The following MIS18BP1 variants were observed in gnomAD, a reference collection of about 807,000 sequenced individuals.
MIS18BP1 encodes mis18-binding protein 1.
In MIS18BP1, 72 loss-of-function variants were observed where a neutral mutation model predicts 116.1. The ratio of observed to expected loss-of-function variants is 0.62; its 90% confidence interval spans 0.51 to 0.75. The LOEUF is 0.75. Among genes scored for constraint, MIS18BP1 ranks in the 30% least tolerant of loss-of-function variants. MIS18BP1 has a pLI of 0.00. For synonymous variants in MIS18BP1, 386 were observed against 427.0 expected, an observed-to-expected ratio of 0.90 and a Z score of 1.18; for missense variants, 1,363 against 1,303.2, an observed-to-expected ratio of 1.05 and a Z score of -0.71.
Position 45,226,943 on chromosome 14 carries a change from A to G in MIS18BP1, c.1747-107T>C, listed in dbSNP as rs1050906257. Reference sequence around the variant, plus strand: ...AGCATACAAATTTCTAGGTACTTACAGTTCCGCAAATTTCATTAGTGGACA... The same window carrying G: ...AGCATACAAATTTCTAGGTACTTACGGTTCCGCAAATTTCATTAGTGGACA... On this transcript the variant is annotated intron_variant, in intron 9 of 16. Coordinates refer to ENST00000310806, the MANE Select transcript of MIS18BP1 (RefSeq NM_018353.5). The G allele has an allele frequency of 3.1e-6, 3 of 970,238 alleles. No homozygotes were observed. In the African/African-American group the frequency reaches 5.1e-5, roughly 17 times the overall value. 60.1% of individuals were successfully genotyped at this position (970,238 alleles called of 1,614,324 possible). A position where few individuals can be genotyped will look rare whatever the true frequency, so the allele number is the denominator to read the frequency against.
At chr14:45,226,648 C>T (rs186261587) in intron 10 of MIS18BP1, 95 bp downstream of exon 10, 29 of 1,013,646 alleles carry the variant, frequency 2.9e-5, no homozygotes, top group East Asian at 4.0e-5. Context: ...TGCCATTTTA[C>T]ATGAGGAAAT....
intron 11 of MIS18BP1, among the ~76,000 whole-genome samples, chr14:45,221,680 T>C (rs1890980880): frequency 6.6e-6 from 1 of 152,218 alleles, no homozygotes; most frequent in African/African-American, 2.4e-5. Context: ...TCTTGATGAA[T>C]GATCAACCTA....
chr14:45,252,815 C>T (rs1891915789), intron 1 of MIS18BP1, among the ~76,000 whole-genome samples: 1 of 151,912 alleles, frequency 6.6e-6, no homozygotes, highest in Non-Finnish European at 1.5e-5. Context: ...CTAGAACGCT[C>T]ACCATCGAAA....
rs777356681 is a variant in MIS18BP1, at chr14:45,247,037, T to C, written c.250A>G (p.Thr84Ala). ...ATATCAAGAGAACTGTTAGAGGTAG[T>C]AGCCTCTGTTAGCATAGTTGATTGA... ...IFQSTMLTEA[T>A]TSNSSLDISA... Residue 84 changes from threonine to alanine, a missense_variant, in exon 2 of 17, where the codon ACT (threonine) becomes GCT (alanine). Thr to Ala is a moderately conservative substitution (Grantham distance 58, BLOSUM62 0). Coordinates refer to ENST00000310806, the MANE Select transcript of MIS18BP1 (RefSeq NM_018353.5). 3.7e-6 allele frequency: 6 copies of C among 1,613,240 alleles called. No homozygotes were observed. The East Asian group carries it at 6.7e-5, about 18-fold the overall frequency.
chr14:45,237,839 C>G (rs1019582835), intron 4 of MIS18BP1, 118 bp from the exon 5 acceptor site: 1 of 1,329,010 alleles, frequency 7.5e-7, no homozygotes, highest in African/African-American at 1.5e-5. Flanking sequence ...TCCTTAGTGT[C>G]ATCGATGTAA....
intron 1 of MIS18BP1, 94 bp from the exon 2 acceptor site, chr14:45,247,471 G>A: frequency 2.1e-6 from 1 of 474,170 alleles, no homozygotes; most frequent in Non-Finnish European, 3.7e-6. Flanking sequence ...TAATTAAAAT[G>A]TTTAACTGGT....
intron 1 of MIS18BP1, among the ~76,000 whole-genome samples, chr14:45,248,929 A>G (rs969256836): frequency 3.9e-5 from 6 of 152,090 alleles, no homozygotes; most frequent in Admixed American, 2.0e-4. Flanking sequence ...TTTATTTTTG[A>G]GACAGTGTCT....
chr14:45,223,524 C>T lies in MIS18BP1; in HGVS notation c.2669+394G>A, dbSNP rs112037733. 4.6e-3 allele frequency among the ~76,000 whole-genome samples: 696 copies of T among 152,274 alleles called. 9 individuals carry two copies. Among genetic ancestry groups the T allele is most frequent in the African/African-American group, 0.015 (627 of 41,544 alleles). On this transcript the variant is annotated intron_variant, in intron 11 of 16. Coordinates refer to ENST00000310806, the MANE Select transcript of MIS18BP1 (RefSeq NM_018353.5). ...CCCGGGAGGCAGAGGTTGCAGTAAC[C>T]GGGATTGTGGCATTGCACTCCAGAC...
Position 45,214,968 on chromosome 14 carries a change from C to T in MIS18BP1, c.3003+2051G>A, listed in dbSNP as rs935741503. On this transcript the variant is annotated intron_variant, in intron 13 of 16. Coordinates refer to ENST00000310806, the MANE Select transcript of MIS18BP1 (RefSeq NM_018353.5). Reference sequence around the variant, plus strand: ...GTTTCACCATGTTGGCCAGACTGGTCGCAAACTCCTGATCTCAGGTGATCT... The same window carrying T: ...GTTTCACCATGTTGGCCAGACTGGTTGCAAACTCCTGATCTCAGGTGATCT... 4.6e-5 allele frequency among the ~76,000 whole-genome samples: 7 copies of T among 152,294 alleles called. No homozygotes were observed. The South Asian group carries it at 1.5e-3, about 32-fold the overall frequency.
intron 11 of MIS18BP1, among the ~76,000 whole-genome samples, chr14:45,222,123 CATT>C (rs1204285990): frequency 6.6e-6 from 1 of 152,260 alleles, no homozygotes; most frequent in African/African-American, 2.4e-5. Context: ...CTACCTATAT[CATT>C]ATATTTAAAG....
intron 13 of MIS18BP1, among the ~76,000 whole-genome samples, chr14:45,215,633 G>A (rs772169676): frequency 6.6e-6 from 1 of 151,108 alleles, no homozygotes; most frequent in Non-Finnish European, 1.5e-5. Flanking sequence ...GAATGGTCTC[G>A]ATCTCCTGAC....
intron 14 of MIS18BP1, 49 bp from the exon 15 acceptor site, chr14:45,206,219 C>G (rs1193671095): frequency 1.6e-6 from 2 of 1,289,292 alleles, no homozygotes; most frequent in East Asian, 4.9e-5. Context: ...TTAAGTCAAC[C>G]TAATAATTTT....
At chr14:45,246,099 A>C in intron 2 of MIS18BP1, among the ~76,000 whole-genome samples, 1 of 152,188 alleles carries the variant, frequency 6.6e-6, no homozygotes. Flanking sequence ...TTTTAAAAAC[A>C]TTGTCATTGT....
At chr14:45,226,490 T>C (rs1242327192) in intron 10 of MIS18BP1, among the ~76,000 whole-genome samples, 2 of 152,182 alleles carry the variant, frequency 1.3e-5, no homozygotes, top group African/African-American at 2.4e-5. Context: ...AAATGATATA[T>C]AGTTTTGTGA....
intron 13 of MIS18BP1, 98 bp from the exon 14 acceptor site, chr14:45,210,626 G>T: frequency 1.4e-6 from 2 of 1,426,116 alleles, no homozygotes; most frequent in South Asian, 1.2e-5. Flanking sequence ...GGTTCTTCTT[G>T]TAACTTTCCA....
chr14:45,218,517 A>G, intron 11 of MIS18BP1, 63 bp from the exon 12 acceptor site: 1 of 1,412,904 alleles, frequency 7.1e-7, no homozygotes, highest in Non-Finnish European at 9.5e-7. Flanking sequence ...AACCTCTTAA[A>G]AGCATAACAC....
Position 45,210,465 on chromosome 14 carries a change from T to C in MIS18BP1, c.3067A>G (p.Thr1023Ala). The change falls in exon 14 of 17, where the codon ACA becomes GCA. Residue 1023 changes from threonine (T) to alanine (A), a missense_variant. Thr to Ala is a moderately conservative substitution (Grantham distance 58). Transcript: ENST00000310806. The part of the protein sequence containing the change: ...DILPNMDKNP[T>A]TPSSVIFPLV... ...GGAAAGATAACTGATGATGGAGTTG[T>C]TGGATTTTTGTCCATATTTGGCAGA... The C allele has an allele frequency of 6.2e-7, 1 of 1,614,096 alleles. No individual in the cohort carries two copies. The highest frequency in any genetic ancestry group is 8.5e-7 in the Non-Finnish European group (1 of 1,179,960).
At chr14:45,215,003 G>A (rs912695232) in intron 13 of MIS18BP1, among the ~76,000 whole-genome samples, 10 of 152,146 alleles carry the variant, frequency 6.6e-5, no homozygotes, top group African/African-American at 2.2e-4. Flanking sequence ...TGCCCACCTT[G>A]GCCTCCCAAA....
At position 45,248,586 on chromosome 14, in the gene MIS18BP1, C is replaced by G. The variant is rs371844338; in HGVS notation, c.-91-1209G>C. On this transcript the variant is annotated intron_variant, in intron 1 of 16. Coordinates refer to ENST00000310806, the MANE Select transcript of MIS18BP1 (RefSeq NM_018353.5). Reference sequence around the variant, plus strand: ...TCATATAAACATAAAAAAAAACTATCACAGAAAATTCTAACATAGCCAGAC... The same window carrying G: ...TCATATAAACATAAAAAAAAACTATGACAGAAAATTCTAACATAGCCAGAC... Among the ~76,000 whole-genome samples the G allele has an allele frequency of 3.2e-4, 48 of 152,030 alleles. No homozygotes were observed. In the South Asian group the frequency reaches 1.0e-2, roughly 32 times the overall value.
Sources: gnomAD v4.1 joint callset for allele counts (sites outside exome capture counted in the v4.1 genomes callset) on GRCh38, gnomAD v4.1.1 for gene constraint, MANE v1.5 for transcripts, NCBI Gene and HGNC (gene_info 2026-07-23, HGNC 2026-07-21) for gene names.